Variants in SH3PXD2B observed in about 807,000 individuals in gnomAD.
SH3PXD2B encodes SH3 and PX domain-containing protein 2B.
Under a neutral mutation model 73.1 loss-of-function variants are expected in SH3PXD2B, and 37 were observed. The ratio of observed to expected loss-of-function variants is 0.51; its 90% CI spans 0.39 to 0.67. The LOEUF (loss-of-function observed/expected upper bound fraction) is 0.67. SH3PXD2B is among the 30% of genes least tolerant of loss of function. The probability of loss-of-function intolerance (pLI) is 0.00; values close to 1 mark genes in which losing one functional copy is unlikely to be tolerated. For synonymous variants in SH3PXD2B, 457 were observed against 480.5 expected (o/e 0.95, Z 0.64); for missense variants, 1,053 against 1,197.8 (o/e 0.88, Z 1.78).
chr5:172,408,540 T>C (rs1404043040), intron 2 of SH3PXD2B, among the ~76,000 whole-genome samples: 1 of 144,896 alleles, frequency 6.9e-6, no homozygotes, highest in Non-Finnish European at 1.5e-5. Context: ...ATCACTTTTT[T>C]TTTTTTTTTT....
intron 4 of SH3PXD2B, among the ~76,000 whole-genome samples, chr5:172,389,350 G>A (rs773146861): frequency 7.9e-5 from 12 of 151,822 alleles, no homozygotes; most frequent in Non-Finnish European, 1.8e-4. Flanking sequence ...CACCATGCCC[G>A]GCCTTGCATT....
chr5:172,391,438 AT>A (rs1014845869), intron 4 of SH3PXD2B, among the ~76,000 whole-genome samples: 1 of 152,028 alleles, frequency 6.6e-6, no homozygotes, highest in Non-Finnish European at 1.5e-5. Context: ...ATTAACAAAT[AT>A]TTTCTCCCAG....
rs559259269 is a variant in SH3PXD2B, at chr5:172,402,980, C to T, written c.232+3297G>A. 1.4e-3 allele frequency among the ~76,000 whole-genome samples: 220 copies of T among 152,378 alleles called. 1 individual carries two copies. The highest frequency in any genetic ancestry group is 5.1e-3 in the African/African-American group (213 of 41,602). ...TCAGGCCCTGGCTGTGGGGCAGAAC[C>T]GTGAGGCCAGTGGTAGGCATGGGAG... is the stretch of plus-strand genomic sequence containing the variant. On this transcript the variant is annotated intron_variant, in intron 3 of 12. Transcript: ENST00000311601.
At position 172,348,424 on chromosome 5, in the gene SH3PXD2B, G is replaced by A. The variant is rs527389579; in HGVS notation, c.1013-1092C>T. On this transcript the variant is annotated intron_variant, in intron 10 of 12. Coordinates refer to ENST00000311601, the MANE Select transcript of SH3PXD2B (RefSeq NM_001017995.3). ...GCTGGACTAGTAGTGAGCCGTTCTG[G>A]ACCGAGGGATGAGGGCAACAAGATA... Among the ~76,000 whole-genome samples, 39 of 152,090 alleles carry A rather than the reference G, an allele frequency of 2.6e-4. 1 individual carries two copies. In the South Asian group the frequency reaches 8.1e-3, roughly 32 times the overall value.
rs183128841 is a variant in SH3PXD2B at position 172,346,824 on chromosome 5, T to G, written c.1062+459A>C. Reference sequence around the variant, plus strand: ...AGCAAGACCCCGTCTCAAAAACCAATGCAAACAAATAAAAAAAACCCCAAA... The same window carrying G: ...AGCAAGACCCCGTCTCAAAAACCAAGGCAAACAAATAAAAAAAACCCCAAA... On this transcript the variant is annotated intron_variant, in intron 11 of 12. Transcript: ENST00000311601. Among the ~76,000 whole-genome samples the G allele has an allele frequency of 1.5e-3, 231 of 151,596 alleles. 1 individual carries two copies. The highest frequency in any genetic ancestry group is 0.01 in the Middle Eastern group (3 of 294).
intron 12 of SH3PXD2B, among the ~76,000 whole-genome samples, chr5:172,344,095 T>C (rs965149104): frequency 6.6e-6 from 1 of 151,970 alleles, no homozygotes; most frequent in Non-Finnish European, 1.5e-5. Flanking sequence ...GCCTATATCA[T>C]CATCATCATC....
At chr5:172,407,244 G>T (rs1026906818) in intron 2 of SH3PXD2B, among the ~76,000 whole-genome samples, 6 of 152,242 alleles carry the variant, frequency 3.9e-5, no homozygotes, top group Non-Finnish European at 8.8e-5. Context: ...CTGAGCACAT[G>T]GTAGATTTGT....
In SH3PXD2B at chr5:172,339,684, G is replaced by C; in HGVS notation, c.1421C>G (p.Pro474Arg). 2 of 1,614,244 alleles carry C rather than the reference G, an allele frequency of 1.2e-6. No individual in the cohort carries two copies. The highest frequency in any genetic ancestry group is 1.7e-6 in the Non-Finnish European group (2 of 1,180,050). Reference sequence around the variant, plus strand: ...CAACCCCGAGTCCATGACACCATGCGGTGCGTCAGGCAGGGGCCGGGAGGG... The same window carrying C: ...CAACCCCGAGTCCATGACACCATGCCGTGCGTCAGGCAGGGGCCGGGAGGG... ...TGPSRPLPDA[P>R]HGVMDSGLPW... The change falls in exon 13 of 13, where the codon CCG becomes CGG. Residue 474 changes from proline to arginine, a missense_variant. By Grantham distance (103) the Pro-to-Arg change is moderately radical (BLOSUM62 -2). Around this residue, in one of 2 missense-constraint regions of SH3PXD2B, gnomAD observed 587 missense variants for 590.7 expected, o/e 0.99. Transcript: ENST00000311601. The surrounding 1 kb of genome is among the most constrained non-coding windows in gnomAD (Gnocchi z 6.1).
intron 1 of SH3PXD2B, among the ~76,000 whole-genome samples, chr5:172,423,096 A>G (rs1281032906): frequency 1.3e-5 from 2 of 152,198 alleles, no homozygotes; most frequent in Non-Finnish European, 2.9e-5. Flanking sequence ...TTTATAAACC[A>G]GTGGGCTGTG....
At chr5:172,356,347 A>G (rs1459749179) in intron 8 of SH3PXD2B, among the ~76,000 whole-genome samples, 2 of 152,164 alleles carry the variant, frequency 1.3e-5, no homozygotes, top group African/African-American at 4.8e-5. Context: ...TTTTAGTGAT[A>G]TAAGTCAATA....
In SH3PXD2B at chr5:172,445,091, C is replaced by G. The variant is rs2113513661; in HGVS notation, c.75+9187G>C. Among the ~76,000 whole-genome samples the G allele has an allele frequency of 6.6e-6, 1 of 152,324 alleles. No homozygotes were observed. Among genetic ancestry groups the G allele is most frequent in the African/African-American group, 2.4e-5 (1 of 41,574 alleles). ...TCACCCTTGCCCACTTGGCAGCATCCCTCCCATGCTTTGTGACTGGCCTCA... is the reference window on the plus strand; with the variant it reads ...TCACCCTTGCCCACTTGGCAGCATCGCTCCCATGCTTTGTGACTGGCCTCA... On this transcript the variant is annotated intron_variant, in intron 1 of 12. Coordinates refer to ENST00000311601, the MANE Select transcript of SH3PXD2B (RefSeq NM_001017995.3). The surrounding 1 kb of genome is among the most constrained non-coding windows in gnomAD (Gnocchi z 5.2).
At chr5:172,363,719 G>A (rs889290469) in intron 6 of SH3PXD2B, among the ~76,000 whole-genome samples, 2 of 152,160 alleles carry the variant, frequency 1.3e-5, no homozygotes, top group African/African-American at 2.4e-5. Context: ...GCTAGGTGAG[G>A]AAGTGCATGG....
intron 12 of SH3PXD2B, among the ~76,000 whole-genome samples, chr5:172,340,863 G>A (rs528450329): frequency 6.6e-6 from 1 of 152,290 alleles, no homozygotes; most frequent in African/African-American, 2.4e-5. Flanking sequence ...CCAAAGTTCT[G>A]GGATTACAGG....
intron 1 of SH3PXD2B, among the ~76,000 whole-genome samples, chr5:172,433,157 G>A (rs1759294004): frequency 6.6e-6 from 1 of 152,050 alleles, no homozygotes; most frequent in Non-Finnish European, 1.5e-5. Context: ...TGTTACAATT[G>A]CCTACAGTAT....
At position 172,333,996 on chromosome 5, in the gene SH3PXD2B, T is replaced by C; in HGVS notation, c.*4373A>G. 8.4e-7 allele frequency: 1 copy of C among 1,194,186 alleles called. No homozygotes were observed. Among genetic ancestry groups the C allele is most frequent in the Non-Finnish European group, 1.1e-6 (1 of 949,454 alleles). The allele number at this position is 1,194,186 out of a possible 1,614,324, so 74.0% of individuals were successfully genotyped here. A position where few individuals can be genotyped will look rare whatever the true frequency, so the allele number is the denominator to read the frequency against. ...TGATGTAAGCCTGGTGGGGGCACCT[T>C]CTTTTTTACATGAATAGGACATCTA... On this transcript the variant is annotated 3_prime_UTR_variant, in exon 13 of 13. Transcript: ENST00000311601.
At chr5:172,393,799 A>C (rs1758237614) in intron 4 of SH3PXD2B, among the ~76,000 whole-genome samples, 1 of 152,266 alleles carries the variant, frequency 6.6e-6, no homozygotes, top group Admixed American at 6.5e-5. Context: ...GTCAAATGAA[A>C]TATAACCAAA....
intron 4 of SH3PXD2B, among the ~76,000 whole-genome samples, chr5:172,390,416 G>C (rs796729242): frequency 4.6e-5 from 7 of 152,314 alleles, no homozygotes; most frequent in African/African-American, 1.7e-4. Flanking sequence ...CTGGAGTCTT[G>C]CTCTGTCACC....
chr5:172,392,722 T>C (rs1262283789), intron 4 of SH3PXD2B, among the ~76,000 whole-genome samples: 2 of 151,630 alleles, frequency 1.3e-5, no homozygotes, highest in African/African-American at 4.9e-5. Context: ...GAGGCGGAGG[T>C]TGTAGTGAGC....
intron 1 of SH3PXD2B, among the ~76,000 whole-genome samples, chr5:172,449,878 A>G (rs1473343647): frequency 6.6e-6 from 1 of 152,214 alleles, no homozygotes; most frequent in African/African-American, 2.4e-5. Flanking sequence ...AGCTTGAAAA[A>G]ACAGGGGCAT....
Sources: gnomAD v4.1 joint callset for allele counts (sites outside exome capture counted in the v4.1 genomes callset) on GRCh38, gnomAD v4.1.1 for gene constraint, gnomAD v4.1.1 regional missense constraint, Gnocchi (gnomAD v3.1) non-coding constraint, MANE v1.5 for transcripts, NCBI Gene and HGNC (gene_info 2026-07-23, HGNC 2026-07-21) for gene names.